WDR87: variants seen among roughly 807,000 people sequenced by gnomAD.
The protein encoded by WDR87 is WD repeat domain 87, also known as WD repeat-containing protein 87.
A neutral mutation model predicts 83.3 loss-of-function variants in WDR87; 56 were observed. The observed-to-expected ratio is 0.67, with a 90% confidence interval of 0.54 to 0.84. The LOEUF (loss-of-function observed/expected upper bound fraction) is 0.84. WDR87 is among the 40% of genes least tolerant of loss of function. WDR87 has a pLI of 0.00. For missense variants in WDR87, 2,939 were observed against 3,431.9 expected (o/e 0.86, Z 3.59); for synonymous variants, 1,173 against 1,250.6 (o/e 0.94, Z 1.31).
chr19:37,894,694 T>C lies in WDR87; in HGVS notation c.1009A>G (p.Thr337Ala), dbSNP rs745849085. The C allele has an allele frequency of 2.6e-6, 4 of 1,551,668 alleles. No individual in the cohort carries two copies. In the East Asian group the frequency reaches 7.3e-5, roughly 28 times the overall value. The change falls in exon 4 of 6, where the codon ACT (threonine) becomes GCT (alanine). Residue 337 changes from threonine (T) to alanine (A), a missense_variant. By Grantham distance (58) the Thr-to-Ala change is moderately conservative. This residue lies in a region of WDR87 where 553 missense variants were observed against 577.9 expected (regional missense o/e 0.96). Transcript: ENST00000447313. ...LYRLQFIDSI[T>A]FFCQTAHSFS... ...CTATGGGCAGTTTGGCAGAAGAAAGTAATGCTGTCAATAAACTGGAGCCGG... is the reference window on the plus strand; with the variant it reads ...CTATGGGCAGTTTGGCAGAAGAAAGCAATGCTGTCAATAAACTGGAGCCGG...
rs1055927886 is a variant in WDR87 at position 37,888,113 on chromosome 19, T to C, written c.5558A>G (p.Gln1853Arg). The C allele has an allele frequency of 1.3e-6, 2 of 1,551,944 alleles. No individual in the cohort carries two copies. Among genetic ancestry groups the C allele is most frequent in the African/African-American group, 1.4e-5 (1 of 73,026 alleles). ...GCTGTTGATCCATCTTTCCCTTTTTTGGGCCAGTTTCATCTTCTTCTCAAT... is the reference window on the plus strand; with the variant it reads ...GCTGTTGATCCATCTTTCCCTTTTTCGGGCCAGTTTCATCTTCTTCTCAAT... ...QLIEKKMKLA[Q>R]KRERWINSME... is the part of the protein sequence containing the mutation. The change falls in exon 6 of 6, where the codon CAA becomes CGA. Residue 1853 changes from glutamine (Q) to arginine (R), a missense_variant. Transcript: ENST00000447313.
intron 2 of WDR87, 107 bp from the exon 3 acceptor site, chr19:37,896,415 G>A (rs902287787): frequency 5.5e-5 from 66 of 1,208,740 alleles, no homozygotes; most frequent in East Asian, 8.0e-5. Flanking sequence ...CTTCCCACCC[G>A]AAGGACCTAC....
Position 37,904,129 on chromosome 19 carries a change from C to T in WDR87, c.-47+2370G>A, listed in dbSNP as rs180887556. Among the ~76,000 whole-genome samples, 1,238 of 152,074 alleles carry T rather than the reference C, an allele frequency of 8.1e-3. 10 individuals carry two copies. Among genetic ancestry groups the T allele is most frequent in the Middle Eastern group, 0.024 (7 of 294 alleles). On this transcript the variant is annotated intron_variant, in intron 1 of 5. Transcript: ENST00000447313. ...ATGTTAGCCTCGATGGTCTCAATCT[C>T]GTGACCTCGTGATCCACCCGCCTCG...
At position 37,884,955 on chromosome 19, in the gene WDR87, G is replaced by T; in HGVS notation, c.8716C>A (p.His2906Asn). 1 of 1,343,624 alleles carries T rather than the reference G, an allele frequency of 7.4e-7. No homozygotes were observed. The highest frequency in any genetic ancestry group is 9.6e-7 in the Non-Finnish European group (1 of 1,042,086). The allele number at this position is 1,343,624 out of a possible 1,614,324, so 83.2% of individuals were successfully genotyped here. Residue 2906 changes from histidine to asparagine, a missense_variant, in exon 6 of 6, where the codon CAC (histidine) becomes AAC (asparagine). His to Asn is a moderately conservative substitution (Grantham distance 68). This residue lies in a region of WDR87 where 2,160 missense variants were observed against 2,533.1 expected (regional missense o/e 0.85). Coordinates refer to ENST00000447313, the MANE Select transcript of WDR87 (RefSeq NM_001291088.2). ...AATTAGAGAGTGGGAGCAACGGTGT[G>T]TGTCAGTGCCTTGGTGAGATGAAGA... The part of the protein sequence containing the change: ...ADLHLTKALT[H>N]TVAPTL
At position 37,888,960 on chromosome 19, in the gene WDR87, T is replaced by C; in HGVS notation, c.4711A>G (p.Lys1571Glu). The C allele has an allele frequency of 2.6e-6, 4 of 1,552,194 alleles. No homozygotes were observed. Among genetic ancestry groups the C allele is most frequent in the Non-Finnish European group, 3.5e-6 (4 of 1,147,128 alleles). ...TCCTTGTACTGTTGCTCCTTGGACT[T>C]AGATGATAACATATTTTCCCAGACT... ...KQVWENMLSSKSKEQQYKDEE... is the reference protein window; with the variant it reads ...KQVWENMLSSESKEQQYKDEE... Residue 1571 changes from lysine (K) to glutamate (E), a missense_variant, in exon 6 of 6, where the codon AAG becomes GAG. By Grantham distance (56) the Lys-to-Glu change is moderately conservative. Around this residue, in one of 3 missense-constraint regions of WDR87, gnomAD observed 2,160 missense variants for 2,533.1 expected, o/e 0.85. Transcript: ENST00000447313.
Position 37,894,786 on chromosome 19 carries a change from A to G in WDR87, c.917T>C (p.Leu306Pro). ...HTLLTAGSDSLIKEWNLTSGS... is the reference protein window; with the variant it reads ...HTLLTAGSDSPIKEWNLTSGS... Reference sequence around the variant, plus strand: ...TGAAGTCAGGTTCCACTCCTTGATTAGGCTGTCACTACCAGCTGTTAGCAG... The same window carrying G: ...TGAAGTCAGGTTCCACTCCTTGATTGGGCTGTCACTACCAGCTGTTAGCAG... The change falls in exon 4 of 6, where the codon CTA becomes CCA. Residue 306 changes from leucine (L) to proline (P), a missense_variant. Transcript: ENST00000447313. 1.3e-6 allele frequency: 2 copies of G among 1,551,700 alleles called. No individual in the cohort carries two copies. The highest frequency in any genetic ancestry group is 1.7e-6 in the Non-Finnish European group (2 of 1,146,988).
At position 37,885,845 on chromosome 19, in the gene WDR87, T is replaced by G. The variant is rs10408510; in HGVS notation, c.7826A>C (p.His2609Pro). 2 of 1,551,754 alleles carry G rather than the reference T, an allele frequency of 1.3e-6. No homozygotes were observed. Among genetic ancestry groups the G allele is most frequent in the Non-Finnish European group, 8.7e-7 (1 of 1,147,002 alleles). Reference sequence around the variant, plus strand: ...TCTGTGACGGTACACAATGGCTTCATGTTTGGCCAGATGCAGCCATTCTAA... The same window carrying G: ...TCTGTGACGGTACACAATGGCTTCAGGTTTGGCCAGATGCAGCCATTCTAA... ...GNLEWLHLAKHEAIVYRHRQA... is the reference protein window; with the variant it reads ...GNLEWLHLAKPEAIVYRHRQA... Residue 2609 changes from histidine to proline, a missense_variant, in exon 6 of 6, where the codon CAT (histidine) becomes CCT (proline). Transcript: ENST00000447313.
Position 37,887,783 on chromosome 19 carries a change from G to C in WDR87, c.5888C>G (p.Ala1963Gly), listed in dbSNP as rs1198526041. Residue 1963 changes from alanine to glycine, a missense_variant, in exon 6 of 6, where the codon GCC becomes GGC. By Grantham distance (60) the Ala-to-Gly change is moderately conservative (BLOSUM62 0). This residue lies in a region of WDR87 where 2,160 missense variants were observed against 2,533.1 expected (regional missense o/e 0.85). Transcript: ENST00000447313. ...CTGGGCCAATTTCTCCTGTTTTTTG[G>C]CCAAACTATCCTCTACTTGGACCAA... ...KKLVQVEDSL[A>G]KKQEKLAQEK... 1.3e-6 allele frequency: 2 copies of C among 1,551,584 alleles called. No homozygotes were observed. Among genetic ancestry groups the C allele is most frequent in the Non-Finnish European group, 8.7e-7 (1 of 1,147,004 alleles).
intron 1 of WDR87, among the ~76,000 whole-genome samples, chr19:37,900,746 G>A (rs929877256): frequency 2.2e-4 from 33 of 151,742 alleles, no homozygotes; most frequent in African/African-American, 7.5e-4. Flanking sequence ...CAGACTGCAT[G>A]CTGCCCTCCT....
chr19:37,899,724 G>A (rs935481182), intron 1 of WDR87, among the ~76,000 whole-genome samples: 3 of 151,678 alleles, frequency 2.0e-5, no homozygotes, highest in South Asian at 2.1e-4. Context: ...CTGGGATTTC[G>A]GGCATGAGCC....
Position 37,887,016 on chromosome 19 carries a change from C to G in WDR87, c.6655G>C (p.Glu2219Gln), listed in dbSNP as rs749992438. Residue 2219 changes from glutamate to glutamine, a missense_variant, in exon 6 of 6, where the codon GAG (glutamate) becomes CAG (glutamine). Glu to Gln is a conservative substitution (Grantham distance 29). Transcript: ENST00000447313. ...KHSEVILDDEEEGGIEEEEVI... is the reference protein window; with the variant it reads ...KHSEVILDDEQEGGIEEEEVI... ...TCTTCTTCTTCTATTCCTCCTTCCT[C>G]TTCATCATCCAGTATGACTTCTGAA... 1 of 1,552,064 alleles carries G rather than the reference C, an allele frequency of 6.4e-7. No homozygotes were observed. Among genetic ancestry groups the G allele is most frequent in the Non-Finnish European group, 8.7e-7 (1 of 1,147,104 alleles).
In WDR87 at chr19:37,888,669, C is replaced by T; in HGVS notation, c.5002G>A (p.Glu1668Lys). ...AACTTACCCTCTGCCTGGGCCATTTCCCTGTCATCCTGGGTTATTTTCACG... is the reference window on the plus strand; with the variant it reads ...AACTTACCCTCTGCCTGGGCCATTTTCCTGTCATCCTGGGTTATTTTCACG... ...AYVKITQDDR[E>K]MAQAEGKFAQ... The change falls in exon 6 of 6, where the codon GAA (glutamate) becomes AAA (lysine). Residue 1668 changes from glutamate (E) to lysine (K), a missense_variant. This residue lies in a region of WDR87 where 2,160 missense variants were observed against 2,533.1 expected (regional missense o/e 0.85). Coordinates refer to ENST00000447313, the MANE Select transcript of WDR87 (RefSeq NM_001291088.2). The T allele has an allele frequency of 1.3e-6, 2 of 1,551,744 alleles. No homozygotes were observed. Among genetic ancestry groups the T allele is most frequent in the Non-Finnish European group, 1.7e-6 (2 of 1,146,992 alleles).
rs2046241934 is a variant in WDR87, at chr19:37,895,007, T to C, written c.696A>G (p.Val232=). 6.4e-7 allele frequency: 1 copy of C among 1,551,558 alleles called. No homozygotes were observed. Among genetic ancestry groups the C allele is most frequent in the African/African-American group, 1.4e-5 (1 of 73,052 alleles). Residue 232 remains valine, a synonymous_variant, in exon 4 of 6, where the codon GTA becomes GTG. Coordinates refer to ENST00000447313, the MANE Select transcript of WDR87 (RefSeq NM_001291088.2). ...MHQGKGQLGE[V]KRFTSTSSGS... ...CGCTGCTGGTGGACGTGAACCTCTT[T>C]ACCTCTCCCAGCTGGCCCTTGCCCT...
In WDR87 at chr19:37,894,323, T is replaced by C. The variant is rs541797957; in HGVS notation, c.1380A>G (p.Gln460=). The C allele has an allele frequency of 7.1e-6, 11 of 1,551,784 alleles. No individual in the cohort carries two copies. In the African/African-American group the frequency reaches 8.2e-5, roughly 12 times the overall value. Residue 460 remains glutamine, a synonymous_variant, in exon 4 of 6, where the codon CAA becomes CAG. Transcript: ENST00000447313. Reference sequence around the variant, plus strand: ...AGTTGAAATGCCCATAAGCCAGGCATTGTACAAAGTCCTGAGAATTTGGTG... The same window carrying C: ...AGTTGAAATGCCCATAAGCCAGGCACTGTACAAAGTCCTGAGAATTTGGTG... ...GTSPNSQDFV[Q]CLAYGHFNLG... is the part of the protein sequence containing the mutation.
In WDR87 at chr19:37,886,954, C is replaced by T; in HGVS notation, c.6717G>A (p.Arg2239=). Residue 2239 remains arginine, a synonymous_variant, in exon 6 of 6, where the codon AGG becomes AGA. Transcript: ENST00000447313. ...IPFLKRRWRK[R]KEAKRGDKPK... is the part of the protein sequence containing the mutation. ...GTTTGTCACCTCTCTTGGCCTCTTT[C>T]CTCTTTCTCCACCTTCGTTTAAGGA... The T allele has an allele frequency of 6.4e-7, 1 of 1,551,976 alleles. No homozygotes were observed. Among genetic ancestry groups the T allele is most frequent in the South Asian group, 1.2e-5 (1 of 83,982 alleles).
chr19:37,894,342 T>A lies in WDR87; in HGVS notation c.1361A>T (p.Asn454Ile), dbSNP rs1338699968. 3.2e-6 allele frequency: 5 copies of A among 1,551,716 alleles called. No homozygotes were observed. Among genetic ancestry groups the A allele is most frequent in the Non-Finnish European group, 4.4e-6 (5 of 1,147,000 alleles). Reference protein sequence around the residue: ...PAKYLLGTSPNSQDFVQCLAY... With the variant: ...PAKYLLGTSPISQDFVQCLAY... ...CAGGCATTGTACAAAGTCCTGAGAA[T>A]TTGGTGAGGTGCCTAAGAGATACTT... The change falls in exon 4 of 6, where the codon AAT becomes ATT. Residue 454 changes from asparagine to isoleucine, a missense_variant. Asn to Ile is a moderately radical substitution (Grantham distance 149). Coordinates refer to ENST00000447313, the MANE Select transcript of WDR87 (RefSeq NM_001291088.2).
chr19:37,888,486 T>G lies in WDR87; in HGVS notation c.5185A>C (p.Lys1729Gln). ...AKKGGKLAEV[K>Q]NILAQKVEEL... ...TCCACTTTCTGGGCCAATATGTTTT[T>G]CACCTCAGCCAGTTTCCCTCCTTTC... is the stretch of plus-strand genomic sequence containing the variant. The change falls in exon 6 of 6, where the codon AAA becomes CAA. Residue 1729 changes from lysine to glutamine, a missense_variant. Transcript: ENST00000447313. 1 of 1,551,898 alleles carries G rather than the reference T, an allele frequency of 6.4e-7. No individual in the cohort carries two copies. The highest frequency in any genetic ancestry group is 1.2e-5 in the South Asian group (1 of 84,046).
Position 37,894,180 on chromosome 19 carries a change from G to A in WDR87, c.1523C>T (p.Ala508Val). The change falls in exon 4 of 6, where the codon GCA becomes GTA. Residue 508 changes from alanine (A) to valine (V), a missense_variant. This residue lies in a region of WDR87 where 553 missense variants were observed against 577.9 expected (regional missense o/e 0.96). Transcript: ENST00000447313. The part of the protein sequence containing the change: ...EKFMHFGAVL[A>V]LSTLSGGIFG... Reference sequence around the variant, plus strand: ...AATCCCTCCAGACAGCGTGGAGAGTGCCAGTACAGCGCCAAAGTGCATGAA... The same window carrying A: ...AATCCCTCCAGACAGCGTGGAGAGTACCAGTACAGCGCCAAAGTGCATGAA... 6.4e-7 allele frequency: 1 copy of A among 1,552,290 alleles called. No individual in the cohort carries two copies.
rs1760216908 is a variant in WDR87, at chr19:37,889,125, A to G, written c.4546T>C (p.Ser1516Pro). The change falls in exon 6 of 6, where the codon TCC (serine) becomes CCC (proline). Residue 1516 changes from serine to proline, a missense_variant. This residue lies in a region of WDR87 where 2,160 missense variants were observed against 2,533.1 expected (regional missense o/e 0.85). Transcript: ENST00000447313. ...CATTCTTCCTTCCATGCCTTCCAGGATTTCCTTGTCTCACCATGGACCTGT... is the reference window on the plus strand; with the variant it reads ...CATTCTTCCTTCCATGCCTTCCAGGGTTTCCTTGTCTCACCATGGACCTGT... ...WKQVHGETRKSWKAWKEEWEK... is the reference protein window; with the variant it reads ...WKQVHGETRKPWKAWKEEWEK... 1 of 1,551,898 alleles carries G rather than the reference A, an allele frequency of 6.4e-7. No individual in the cohort carries two copies. The highest frequency in any genetic ancestry group is 1.4e-5 in the African/African-American group (1 of 72,968).
Sources: gnomAD v4.1 joint callset for allele counts (sites outside exome capture counted in the v4.1 genomes callset) on GRCh38, gnomAD v4.1.1 for gene constraint, gnomAD v4.1.1 regional missense constraint, MANE v1.5 for transcripts, NCBI Gene and HGNC (gene_info 2026-07-23, HGNC 2026-07-21) for gene names.